B3GALT1: variants seen among roughly 807,000 people sequenced by gnomAD.
B3GALT1 encodes the protein UDP-Gal:betaGlcNAc beta 1,3-galactosyltransferase, polypeptide 1.
A neutral mutation model predicts 23.2 loss-of-function variants in B3GALT1; 10 were observed. That is an observed-to-expected ratio of 0.43 (90% CI 0.27 to 0.73). The LOEUF is 0.73. B3GALT1 is among the 30% of genes least tolerant of loss of function. B3GALT1 has a pLI of 0.21. For synonymous variants in B3GALT1, 156 were observed against 141.5 expected (o/e 1.10, Z -0.73); for missense variants, 299 against 405.4 (o/e 0.74, Z 2.25).
chr2:167,487,811 A>G (rs1171987693), intron 1 of B3GALT1, among the ~76,000 whole-genome samples: 1 of 152,270 alleles, frequency 6.6e-6, no homozygotes, highest in South Asian at 2.1e-4. Context: ...CTTTGTTTGT[A>G]TATCAAATAC....
At chr2:167,628,000 C>A (rs903484069) in intron 2 of B3GALT1, among the ~76,000 whole-genome samples, 3 of 151,632 alleles carry the variant, frequency 2.0e-5, no homozygotes, top group East Asian at 1.9e-4. Flanking sequence ...TGCCTCAATT[C>A]TTTGATGAAG....
chr2:167,446,423 T>G (rs929379044), intron 1 of B3GALT1, among the ~76,000 whole-genome samples: 1 of 152,214 alleles, frequency 6.6e-6, no homozygotes. Context: ...CTTGCTAAGT[T>G]GGGGAAGTTC....
chr2:167,442,807 T>G (rs1698916421), intron 1 of B3GALT1, among the ~76,000 whole-genome samples: 1 of 146,622 alleles, frequency 6.8e-6, no homozygotes, highest in Non-Finnish European at 1.5e-5. Flanking sequence ...TGCGAAAATT[T>G]TCTTCCATTT....
intron 3 of B3GALT1, among the ~76,000 whole-genome samples, chr2:167,767,474 T>G (rs1009484610): frequency 2.0e-5 from 3 of 152,212 alleles, no homozygotes; most frequent in African/African-American, 7.2e-5. Context: ...TTTCTCTGAT[T>G]GGGGCTCTTT....
intron 1 of B3GALT1, among the ~76,000 whole-genome samples, chr2:167,348,074 TC>T (rs1244155573): frequency 6.6e-6 from 1 of 152,186 alleles, no homozygotes; most frequent in Non-Finnish European, 1.5e-5. Flanking sequence ...ATTAGTCATT[TC>T]CAAATTATGG....
At chr2:167,315,652 C>G (rs1696704316) in intron 1 of B3GALT1, among the ~76,000 whole-genome samples, 1 of 152,076 alleles carries the variant, frequency 6.6e-6, no homozygotes, top group Non-Finnish European at 1.5e-5. Flanking sequence ...TATTTTCTCC[C>G]TCCTCTTATC....
At chr2:167,396,272 A>G (rs1698093616) in intron 1 of B3GALT1, among the ~76,000 whole-genome samples, 1 of 152,074 alleles carries the variant, frequency 6.6e-6, no homozygotes, top group African/African-American at 2.4e-5. Flanking sequence ...AAGTTTTTTC[A>G]TCTTAAGTTT....
intron 2 of B3GALT1, among the ~76,000 whole-genome samples, chr2:167,624,283 C>A (rs1016921514): frequency 2.6e-5 from 4 of 151,964 alleles, no homozygotes; most frequent in African/African-American, 9.7e-5. Flanking sequence ...AATCTTAGAC[C>A]CCCGGAGATT....
intron 2 of B3GALT1, among the ~76,000 whole-genome samples, chr2:167,520,360 A>G (rs1444694057): frequency 6.6e-6 from 1 of 152,124 alleles, no homozygotes; most frequent in Non-Finnish European, 1.5e-5. Flanking sequence ...CCAAATCAGG[A>G]CTGTAATATG....
intron 2 of B3GALT1, among the ~76,000 whole-genome samples, chr2:167,626,510 C>T (rs767681255): frequency 1.3e-5 from 2 of 151,598 alleles, no homozygotes; most frequent in African/African-American, 2.4e-5. Context: ...TGTTGCCAAA[C>T]AGGCAGATTT....
At chr2:167,668,250 A>C (rs1014445597) in intron 3 of B3GALT1, among the ~76,000 whole-genome samples, 1 of 149,530 alleles carries the variant, frequency 6.7e-6, no homozygotes, top group African/African-American at 2.5e-5. Flanking sequence ...GGTGCCTCCC[A>C]GTTAGGCTTC....
At chr2:167,572,827 G>A (rs529779280) in intron 2 of B3GALT1, among the ~76,000 whole-genome samples, 6 of 151,842 alleles carry the variant, frequency 4.0e-5, no homozygotes, top group African/African-American at 7.2e-5. Context: ...ACTTTTGAAG[G>A]GACTAGTAGG....
intron 4 of B3GALT1, among the ~76,000 whole-genome samples, chr2:167,858,389 A>T (rs2105427521): frequency 6.6e-6 from 1 of 151,636 alleles, no homozygotes; most frequent in South Asian, 2.1e-4. Context: ...ATTAGTCAAG[A>T]TGCATTGACT....
intron 1 of B3GALT1, among the ~76,000 whole-genome samples, chr2:167,430,682 A>G (rs879766628): frequency 1.5e-4 from 23 of 152,186 alleles, no homozygotes; most frequent in Non-Finnish European, 1.6e-4. Flanking sequence ...AGCAAATAGA[A>G]GAATGGAGTT....
At chr2:167,451,577 G>C (rs1411921207) in intron 1 of B3GALT1, among the ~76,000 whole-genome samples, 1 of 152,196 alleles carries the variant, frequency 6.6e-6, no homozygotes, top group African/African-American at 2.4e-5. Context: ...ATGGATGTCA[G>C]CACCCCCTCC....
At chr2:167,473,018 A>G (rs906007474) in intron 1 of B3GALT1, among the ~76,000 whole-genome samples, 3 of 152,128 alleles carry the variant, frequency 2.0e-5, no homozygotes, top group Admixed American at 1.3e-4. Flanking sequence ...ACTTAATTAT[A>G]TAATTAAGAA....
At chr2:167,368,319 A>G (rs974399451) in intron 1 of B3GALT1, among the ~76,000 whole-genome samples, 1 of 152,224 alleles carries the variant, frequency 6.6e-6, no homozygotes. Context: ...AGATGTGTAG[A>G]TTAAATACGG....
intron 3 of B3GALT1, among the ~76,000 whole-genome samples, chr2:167,693,096 T>C (rs537756365): frequency 1.3e-5 from 2 of 151,594 alleles, no homozygotes; most frequent in Non-Finnish European, 2.9e-5. Flanking sequence ...AGTGGGAGCA[T>C]TGAGATGTTG....
chr2:167,632,616 A>T (rs1685470508), intron 2 of B3GALT1, among the ~76,000 whole-genome samples: 1 of 151,852 alleles, frequency 6.6e-6, no homozygotes, highest in Admixed American at 6.6e-5. Context: ...GTCTGTTTAT[A>T]TCCTTTGCCC....
Sources: allele counts gnomAD v4.1 joint callset (sites outside exome capture counted in the v4.1 genomes callset), GRCh38; gene constraint gnomAD v4.1.1; transcripts MANE v1.5; gene names NCBI Gene and HGNC (gene_info 2026-07-23, HGNC 2026-07-21).